The following GRIK3 variants were observed in gnomAD, a reference collection of about 807,000 sequenced individuals.
The protein encoded by GRIK3 is glutamate ionotropic receptor kainate type subunit 3, also known as glutamate receptor ionotropic, kainate 3.
A neutral mutation model predicts 102.5 loss-of-function variants in GRIK3; 29 were observed. That is an observed-to-expected ratio of 0.28 (90% confidence interval 0.21 to 0.39). The LOEUF (loss-of-function observed/expected upper bound fraction) is 0.39, where lower values mean the gene tolerates loss of function less well. Ranked by LOEUF, GRIK3 falls within the 10% of genes least tolerant of loss-of-function variation. GRIK3 has a pLI of 1.00. For synonymous variants in GRIK3, 511 were observed against 504.9 expected (o/e 1.01, Z -0.16); for missense variants, 908 against 1,252.4 (o/e 0.73, Z 4.15).
chr1:36,842,704 C>T (rs1045813308), intron 9 of GRIK3, among the ~76,000 whole-genome samples: 3 of 152,212 alleles, frequency 2.0e-5, no homozygotes, highest in South Asian at 2.1e-4. Flanking sequence ...TCCAGCAGAG[C>T]TCAGCAGACA....
chr1:36,937,188 G>A (rs1432450526), intron 1 of GRIK3, among the ~76,000 whole-genome samples: 8 of 152,176 alleles, frequency 5.3e-5, no homozygotes, highest in Non-Finnish European at 8.8e-5. Flanking sequence ...CTGAAAAGAT[G>A]AGCTGTCCCT....
At chr1:36,854,127 C>T (rs559287181) in intron 7 of GRIK3, among the ~76,000 whole-genome samples, 10 of 152,198 alleles carry the variant, frequency 6.6e-5, no homozygotes, top group South Asian at 6.2e-4. Context: ...TAGAACCAGA[C>T]GCTTGGCATA....
Position 36,999,991 on chromosome 1 carries a change from C to T in GRIK3, c.115+34003G>A, listed in dbSNP as rs188882360. On this transcript the variant is annotated intron_variant, in intron 1 of 15. Coordinates refer to ENST00000373091, the MANE Select transcript of GRIK3 (RefSeq NM_000831.4). Reference sequence around the variant, plus strand: ...CAGCCTGGGTGACAGAGCGAGACTCCGTCTCAGAAAAAAAAAGAGAACTTA... The same window carrying T: ...CAGCCTGGGTGACAGAGCGAGACTCTGTCTCAGAAAAAAAAAGAGAACTTA... Among the ~76,000 whole-genome samples, 442 of 152,024 alleles carry T rather than the reference C, an allele frequency of 2.9e-3. 7 individuals are homozygous for T. Among genetic ancestry groups the T allele is most frequent in the South Asian group, 0.024 (113 of 4,806 alleles).
intron 1 of GRIK3, among the ~76,000 whole-genome samples, chr1:36,993,752 A>G (rs1179862379): frequency 1.3e-5 from 2 of 152,146 alleles, no homozygotes; most frequent in African/African-American, 4.8e-5. Flanking sequence ...CAGCTAAAGA[A>G]AACTCACCCA....
chr1:36,922,806 C>T (rs1641488479), intron 1 of GRIK3, among the ~76,000 whole-genome samples: 2 of 152,158 alleles, frequency 1.3e-5, no homozygotes, highest in African/African-American at 4.8e-5. Flanking sequence ...CCTTCTCTCA[C>T]AGCTCCCTCC....
intron 1 of GRIK3, among the ~76,000 whole-genome samples, chr1:36,975,973 G>A (rs1310755563): frequency 6.6e-6 from 1 of 152,190 alleles, no homozygotes; most frequent in Non-Finnish European, 1.5e-5. Context: ...CCTGAAAGAG[G>A]AGAGTCTCCA....
Position 36,829,558 on chromosome 1 carries a change from C to G in GRIK3, c.1531-3732G>C, listed in dbSNP as rs995996474. Among the ~76,000 whole-genome samples, 5 of 152,136 alleles carry G rather than the reference C, an allele frequency of 3.3e-5. No individual in the cohort carries two copies. The South Asian group carries it at 6.2e-4, about 19-fold the overall frequency. ...GTCTAACGAGTGTTTTGTCAGCCCT[C>G]CTGCCTCACCAAGGACCTTTCTGTA... On this transcript the variant is annotated intron_variant, in intron 10 of 15. Transcript: ENST00000373091.
chr1:36,803,210 C>T (rs1362955210), intron 15 of GRIK3, among the ~76,000 whole-genome samples: 1 of 151,970 alleles, frequency 6.6e-6, no homozygotes, highest in African/African-American at 2.4e-5. Flanking sequence ...ACAAGAATGA[C>T]CAGAAGATGT....
intron 1 of GRIK3, among the ~76,000 whole-genome samples, chr1:36,908,667 A>T (rs1339584684): frequency 6.6e-6 from 1 of 152,226 alleles, no homozygotes; most frequent in African/African-American, 2.4e-5. Context: ...ATGATTGCAT[A>T]GTGTAATTGG....
rs955013523 is a variant in GRIK3, at chr1:36,851,674, C to T, written c.1213-1250G>A. 2.6e-5 allele frequency among the ~76,000 whole-genome samples: 4 copies of T among 152,238 alleles called. No individual in the cohort carries two copies. In the South Asian group the frequency reaches 6.2e-4, roughly 24 times the overall value. Reference sequence around the variant, plus strand: ...CTGAGGAGGACCCAGCCTGTGGAGGCTCTGTGCTCACAGTCCGGGTGGCTG... The same window carrying T: ...CTGAGGAGGACCCAGCCTGTGGAGGTTCTGTGCTCACAGTCCGGGTGGCTG... On this transcript the variant is annotated intron_variant, in intron 8 of 15. Transcript: ENST00000373091.
At position 37,034,197 on chromosome 1, in the gene GRIK3, AG is replaced by A; in HGVS notation, c.-90del. 1 of 334,342 alleles carries A rather than the reference AG, an allele frequency of 3.0e-6. No homozygotes were observed. The highest frequency in any genetic ancestry group is 2.2e-5 in the African/African-American group (1 of 44,994). 20.7% of individuals were successfully genotyped at this position (334,342 alleles called of 1,614,324 possible). A position where few individuals can be genotyped will look rare whatever the true frequency, so the allele number is the denominator to read the frequency against. Reference sequence around the variant, plus strand: ...AGGCGCGGGCGCGCAGCAGCCCCGAAGGCGCCGCCTGGCCCAGCCGCCCGGC... The same window carrying A: ...AGGCGCGGGCGCGCAGCAGCCCCGAAGCGCCGCCTGGCCCAGCCGCCCGGC... On this transcript the variant is annotated 5_prime_UTR_variant, in exon 1 of 16. The change abolishes the stop of an existing upstream ORF in the 5' untranslated region. Coordinates refer to ENST00000373091, the MANE Select transcript of GRIK3 (RefSeq NM_000831.4).
At chr1:36,962,729 G>A (rs1047702362) in intron 1 of GRIK3, among the ~76,000 whole-genome samples, 1 of 151,770 alleles carries the variant, frequency 6.6e-6, no homozygotes, top group Admixed American at 6.6e-5. Context: ...GAGGGACCAA[G>A]CCAGGTGGAT....
At chr1:36,956,966 C>T (rs987413773) in intron 1 of GRIK3, among the ~76,000 whole-genome samples, 11 of 152,268 alleles carry the variant, frequency 7.2e-5, no homozygotes, top group African/African-American at 2.2e-4. Context: ...TGTCTCCACC[C>T]GCATCACTCT....
chr1:36,824,431 G>GGCA (rs1230892747), intron 11 of GRIK3, among the ~76,000 whole-genome samples: 1 of 152,150 alleles, frequency 6.6e-6, no homozygotes, highest in Non-Finnish European at 1.5e-5. Flanking sequence ...GGGTGGCCAT[G>GGCA]GCAGCTTCAG....
intron 1 of GRIK3, among the ~76,000 whole-genome samples, chr1:36,975,912 T>C (rs1202561151): frequency 6.6e-6 from 1 of 152,192 alleles, no homozygotes; most frequent in Non-Finnish European, 1.5e-5. Flanking sequence ...GAAGTGTTAA[T>C]AAACAAGTGC....
intron 1 of GRIK3, among the ~76,000 whole-genome samples, chr1:36,982,765 G>T (rs991008480): frequency 6.6e-6 from 1 of 151,574 alleles, no homozygotes; most frequent in African/African-American, 2.4e-5. Context: ...AAAGTGGAGG[G>T]GTCAGGAACA....
rs1417535458 is a variant in GRIK3, at chr1:36,801,978, T to C, written c.2633A>G (p.His878Arg). The C allele has an allele frequency of 5.6e-6, 9 of 1,613,812 alleles. No individual in the cohort carries two copies. In the Admixed American group the frequency reaches 6.7e-5, roughly 12 times the overall value. Reference sequence around the variant, plus strand: ...GACCATCATGGGAGGCTGAGGCTTGTGCTTGACTCGACGCTGGCAGGTAAG... The same window carrying C: ...GACCATCATGGGAGGCTGAGGCTTGCGCTTGACTCGACGCTGGCAGGTAAG... ...FSLTCQRRVK[H>R]KPQPPMMVKT... The change falls in exon 16 of 16, where the codon CAC becomes CGC. Residue 878 changes from histidine to arginine, a missense_variant. His to Arg is a conservative substitution (Grantham distance 29, BLOSUM62 0). Coordinates refer to ENST00000373091, the MANE Select transcript of GRIK3 (RefSeq NM_000831.4).
intron 1 of GRIK3, among the ~76,000 whole-genome samples, chr1:36,915,610 T>G (rs561415484): frequency 6.6e-6 from 1 of 152,092 alleles, no homozygotes; most frequent in African/African-American, 2.4e-5. Context: ...TGGGAGGTAA[T>G]TGAATCATGG....
chr1:36,923,377 G>A (rs537703387), intron 1 of GRIK3, among the ~76,000 whole-genome samples: 1 of 152,334 alleles, frequency 6.6e-6, no homozygotes, highest in African/African-American at 2.4e-5. Context: ...ACAGGGAAAG[G>A]GCAGGGAAGA....
Sources: gnomAD v4.1 joint callset for allele counts (sites outside exome capture counted in the v4.1 genomes callset) on GRCh38, gnomAD v4.1.1 for gene constraint, MANE v1.5 for transcripts, NCBI Gene and HGNC (gene_info 2026-07-23, HGNC 2026-07-21) for gene names.